Variants in FAM117B observed in about 807,000 individuals in gnomAD.
FAM117B encodes family with sequence similarity 117 member B.
Under a neutral mutation model 52.8 loss-of-function variants are expected in FAM117B, and 22 were observed. The observed-to-expected ratio is 0.42, with a 90% confidence interval of 0.30 to 0.59. The LOEUF is 0.59. Ranked by LOEUF, FAM117B falls within the 20% of genes least tolerant of loss-of-function variation. The probability of loss-of-function intolerance (pLI) is 0.22; values close to 1 mark genes in which losing one functional copy is unlikely to be tolerated. For synonymous variants in FAM117B, 309 were observed against 324.1 expected (o/e 0.95, Z 0.50); for missense variants, 678 against 802.6 (o/e 0.84, Z 1.88).
intron 4 of FAM117B, among the ~76,000 whole-genome samples, chr2:202,747,657 C>T (rs960635131): frequency 2.0e-5 from 3 of 151,982 alleles, no homozygotes; most frequent in Non-Finnish European, 2.9e-5. Context: ...TATACACTCA[C>T]AGTGAACTAG....
chr2:202,761,872 C>A (rs1691895437), intron 7 of FAM117B, among the ~76,000 whole-genome samples: 1 of 151,758 alleles, frequency 6.6e-6, no homozygotes, highest in South Asian at 2.1e-4. Context: ...AGAAGGTAAA[C>A]CTATTCTTTT....
intron 2 of FAM117B, among the ~76,000 whole-genome samples, chr2:202,706,789 G>A (rs1690875650): frequency 6.6e-6 from 1 of 152,178 alleles, no homozygotes; most frequent in Non-Finnish European, 1.5e-5. Context: ...GAATGTAACA[G>A]GAGTGAGTAG....
At chr2:202,648,367 G>C (rs1393110152) in intron 1 of FAM117B, among the ~76,000 whole-genome samples, 1 of 151,932 alleles carries the variant, frequency 6.6e-6, no homozygotes, top group African/African-American at 2.4e-5. Context: ...AAAAAAATTA[G>C]CCGAGTATAG....
intron 1 of FAM117B, among the ~76,000 whole-genome samples, chr2:202,661,050 G>A (rs556891742): frequency 6.6e-6 from 1 of 152,356 alleles, no homozygotes; most frequent in South Asian, 2.1e-4. Context: ...CTACTGTGCA[G>A]TTCTAAGATT....
intron 1 of FAM117B, among the ~76,000 whole-genome samples, chr2:202,644,111 G>T (rs2105753047): frequency 2.1e-5 from 2 of 96,670 alleles, no homozygotes; most frequent in African/African-American, 8.3e-5. Context: ...GTAGTGACTT[G>T]CTACTGTGGA....
chr2:202,641,712 C>T (rs1240199966), intron 1 of FAM117B, among the ~76,000 whole-genome samples: 4 of 150,062 alleles, frequency 2.7e-5, no homozygotes, highest in Non-Finnish European at 4.4e-5. Context: ...GATCTTGGCT[C>T]ATTGTAACCT....
intron 1 of FAM117B, among the ~76,000 whole-genome samples, chr2:202,636,048 C>G (rs1289243039): frequency 7.0e-6 from 1 of 143,590 alleles, no homozygotes; most frequent in African/African-American, 2.5e-5. Context: ...GGTGCAGCGG[C>G]TAAACCTTGG....
At chr2:202,737,069 A>G (rs1016114925) in intron 4 of FAM117B, among the ~76,000 whole-genome samples, 1 of 152,184 alleles carries the variant, frequency 6.6e-6, no homozygotes, top group African/African-American at 2.4e-5. Flanking sequence ...CAAAAACAGC[A>G]ACTCTAAAAG....
rs527693029 is a variant in FAM117B at position 202,697,742 on chromosome 2, G to T, written c.753+1710G>T. Reference sequence around the variant, plus strand: ...TTTTTGTACTTTTAGTAGAGACGGGGTTTTACCATGTTGGCCAGGCTGGTC... The same window carrying T: ...TTTTTGTACTTTTAGTAGAGACGGGTTTTTACCATGTTGGCCAGGCTGGTC... On this transcript the variant is annotated intron_variant, in intron 2 of 7. Transcript: ENST00000392238. Among the ~76,000 whole-genome samples the T allele has an allele frequency of 3.3e-5, 5 of 152,028 alleles. No individual in the cohort carries two copies. The East Asian group carries it at 9.7e-4, about 29-fold the overall frequency.
chr2:202,702,735 A>G (rs2105779355), intron 2 of FAM117B, among the ~76,000 whole-genome samples: 1 of 152,138 alleles, frequency 6.6e-6, no homozygotes, highest in Non-Finnish European at 1.5e-5. Flanking sequence ...TTGTATTTTT[A>G]GTAGAGACGG....
At chr2:202,672,256 A>G (rs1690309841) in intron 1 of FAM117B, among the ~76,000 whole-genome samples, 1 of 152,188 alleles carries the variant, frequency 6.6e-6, no homozygotes, top group South Asian at 2.1e-4. Context: ...TCTGTCGCCC[A>G]GGCTGGAGTG....
intron 4 of FAM117B, among the ~76,000 whole-genome samples, chr2:202,739,053 T>G (rs1324833797): frequency 6.6e-6 from 1 of 152,076 alleles, no homozygotes; most frequent in Non-Finnish European, 1.5e-5. Flanking sequence ...GCCAGGCATG[T>G]TAGCACATAC....
chr2:202,721,614 T>C (rs1354551315), intron 2 of FAM117B, among the ~76,000 whole-genome samples: 1 of 152,136 alleles, frequency 6.6e-6, no homozygotes, highest in South Asian at 2.1e-4. Context: ...AATTACCTTA[T>C]AATTTTAGTA....
At chr2:202,761,345 T>C (rs1221756245) in intron 7 of FAM117B, among the ~76,000 whole-genome samples, 2 of 152,182 alleles carry the variant, frequency 1.3e-5, no homozygotes, top group African/African-American at 4.8e-5. Context: ...GGTACCTGCC[T>C]TAGACTATTG....
chr2:202,739,930 G>A (rs1358903904), intron 4 of FAM117B, among the ~76,000 whole-genome samples: 2 of 151,870 alleles, frequency 1.3e-5, no homozygotes, highest in South Asian at 4.2e-4. Flanking sequence ...TCAGCACTTT[G>A]GGAGGCTGAG....
At chr2:202,691,131 C>A (rs988062246) in intron 1 of FAM117B, among the ~76,000 whole-genome samples, 1 of 152,090 alleles carries the variant, frequency 6.6e-6, no homozygotes, top group Non-Finnish European at 1.5e-5. Flanking sequence ...TAATAATAAT[C>A]TGGCTGGGCA....
Position 202,681,864 on chromosome 2 carries a change from C to A in FAM117B, c.602-14017C>A, listed in dbSNP as rs142935924. On this transcript the variant is annotated intron_variant, in intron 1 of 7. Transcript: ENST00000392238. ...GGTACTATATGGCCCAGTGTGAGAA[C>A]TGACATCCCTGTTTGTCCGGTCAGA... Among the ~76,000 whole-genome samples the A allele has an allele frequency of 2.8e-3, 424 of 152,340 alleles. 3 individuals carry two copies. The highest frequency in any genetic ancestry group is 9.2e-3 in the African/African-American group (384 of 41,576).
intron 1 of FAM117B, among the ~76,000 whole-genome samples, chr2:202,643,344 G>A (rs557337199): frequency 1.1e-4 from 16 of 152,262 alleles, no homozygotes; most frequent in Middle Eastern, 3.4e-3. Flanking sequence ...CCAGTACATG[G>A]TAGAGTCTGG....
chr2:202,735,935 G>A (rs1691432410), intron 4 of FAM117B, among the ~76,000 whole-genome samples: 1 of 151,996 alleles, frequency 6.6e-6, no homozygotes, highest in Non-Finnish European at 1.5e-5. Flanking sequence ...CCCTACCCCC[G>A]AGGTAAGAAT....
Sources: gnomAD v4.1 joint callset for allele counts (sites outside exome capture counted in the v4.1 genomes callset) on GRCh38, gnomAD v4.1.1 for gene constraint, MANE v1.5 for transcripts, NCBI Gene and HGNC (gene_info 2026-07-23, HGNC 2026-07-21) for gene names.